ZFPM2: variants seen among roughly 807,000 people sequenced by gnomAD.
The protein encoded by ZFPM2 is zinc finger protein ZFPM2.
A neutral mutation model predicts 98.6 loss-of-function variants in ZFPM2; 20 were observed. That is an observed-to-expected ratio of 0.20 (90% CI 0.14 to 0.29). The LOEUF is 0.29. Ranked by LOEUF, ZFPM2 falls within the 10% of genes least tolerant of loss-of-function variation. ZFPM2 has a pLI of 1.00. For missense variants in ZFPM2, 1,310 were observed against 1,388.6 expected, an observed-to-expected ratio of 0.94 and a Z score of 0.90; for synonymous variants, 518 against 502.7, an observed-to-expected ratio of 1.03 and a Z score of -0.41.
chr8:105,319,779 A>AG (rs757917664), intron 1 of ZFPM2: 9 of 152,092 alleles, frequency 5.9e-5, no homozygotes, highest in Admixed American at 1.3e-4. Flanking sequence ...GTGGGCGCGC[A>AG]GGGGAGTGCA....
At chr8:105,584,194 CA>C (rs530701124) in intron 4 of ZFPM2, among the ~76,000 whole-genome samples, 78 of 151,642 alleles carry the variant, frequency 5.1e-4, no homozygotes, top group African/African-American at 1.6e-3. Context: ...ATGTACTCTG[CA>C]AAAAAATAAC....
At position 105,497,837 on chromosome 8, in the gene ZFPM2, T is replaced by A. The variant is rs1203144775; in HGVS notation, c.301+53456T>A. On this transcript the variant is annotated intron_variant, in intron 3 of 7. Coordinates refer to ENST00000407775, the MANE Select transcript of ZFPM2 (RefSeq NM_012082.4). ...TGCATTTCACTATTCCATATTGGAA[T>A]ACTGCGAGAGTAACAATGGCACTTT... Among the ~76,000 whole-genome samples the A allele has an allele frequency of 1.4e-4, 22 of 152,220 alleles. No individual in the cohort carries two copies. In the East Asian group the frequency reaches 4.3e-3, roughly 29 times the overall value.
intron 2 of ZFPM2, among the ~76,000 whole-genome samples, chr8:105,424,874 A>G (rs565022198): frequency 1.3e-5 from 2 of 152,338 alleles, no homozygotes; most frequent in East Asian, 3.9e-4. Context: ...AAACAATTGA[A>G]TCACATTTTA....
intron 1 of ZFPM2, among the ~76,000 whole-genome samples, chr8:105,360,414 C>A (rs2129756956): frequency 6.6e-6 from 1 of 152,222 alleles, no homozygotes; most frequent in South Asian, 2.1e-4. Context: ...ATACTTATCA[C>A]ATTTTTTGGC....
At chr8:105,337,436 A>C (rs938129500) in intron 1 of ZFPM2, among the ~76,000 whole-genome samples, 3 of 151,860 alleles carry the variant, frequency 2.0e-5, no homozygotes, top group African/African-American at 7.2e-5. Flanking sequence ...CCTAGTTCAC[A>C]CTTTCATATA....
At chr8:105,595,323 T>A (rs1815945545) in intron 4 of ZFPM2, among the ~76,000 whole-genome samples, 1 of 152,054 alleles carries the variant, frequency 6.6e-6, no homozygotes, top group Non-Finnish European at 1.5e-5. Context: ...AATAAGCCAG[T>A]GTGTGTGTTC....
At chr8:105,795,366 C>G (rs1224207357) in intron 6 of ZFPM2, among the ~76,000 whole-genome samples, 1 of 151,516 alleles carries the variant, frequency 6.6e-6, no homozygotes, top group Non-Finnish European at 1.5e-5. Context: ...CACACACACA[C>G]ACACACAAAG....
chr8:105,465,531 ATT>A (rs1036700733), intron 3 of ZFPM2, among the ~76,000 whole-genome samples: 1 of 151,974 alleles, frequency 6.6e-6, no homozygotes, highest in Non-Finnish European at 1.5e-5. Context: ...CTAAGATTAG[ATT>A]TATAGAAATT....
At chr8:105,525,369 G>A (rs1158696182) in intron 3 of ZFPM2, among the ~76,000 whole-genome samples, 1 of 152,172 alleles carries the variant, frequency 6.6e-6, no homozygotes, top group East Asian at 1.9e-4. Context: ...AATGTATTTT[G>A]AAAGATATTT....
intron 4 of ZFPM2, among the ~76,000 whole-genome samples, chr8:105,582,404 G>A (rs1815620703): frequency 1.3e-5 from 2 of 152,146 alleles, no homozygotes; most frequent in South Asian, 4.1e-4. Flanking sequence ...GTGAGGGAAG[G>A]GGACTTAGCA....
chr8:105,558,636 A>G (rs1282749015), intron 3 of ZFPM2, among the ~76,000 whole-genome samples: 1 of 152,184 alleles, frequency 6.6e-6, no homozygotes. Context: ...ATAGATAAGG[A>G]GTCACTGTTT....
intron 3 of ZFPM2, among the ~76,000 whole-genome samples, chr8:105,549,599 ATCTCTC>A (rs368339123): frequency 1.2e-4 from 9 of 77,790 alleles, no homozygotes; most frequent in South Asian, 4.4e-4. Context: ...TCCTTCCTCT[ATCTCTC>A]TCTCTCTCTC....
At chr8:105,441,482 G>GAAAGAAAGAAAGAGAA in intron 2 of ZFPM2, among the ~76,000 whole-genome samples, 1 of 85,410 alleles carries the variant, frequency 1.2e-5, no homozygotes, top group South Asian at 3.8e-4. Flanking sequence ...AAGAAAGAAA[G>GAAAGAAAGAAAGAGAA]AAAGAAAGAA....
chr8:105,725,598 C>T (rs1811792164), intron 5 of ZFPM2, among the ~76,000 whole-genome samples: 1 of 151,722 alleles, frequency 6.6e-6, no homozygotes, highest in South Asian at 2.1e-4. Context: ...ATGGTAACCT[C>T]ACCCCAAATT....
At chr8:105,505,152 CTG>C (rs1813673966) in intron 3 of ZFPM2, among the ~76,000 whole-genome samples, 1 of 152,060 alleles carries the variant, frequency 6.6e-6, no homozygotes, top group Non-Finnish European at 1.5e-5. Flanking sequence ...CGATTTTCAG[CTG>C]TAAAATGAAA....
intron 4 of ZFPM2, among the ~76,000 whole-genome samples, chr8:105,605,542 G>A (rs557865522): frequency 6.6e-6 from 1 of 152,188 alleles, no homozygotes; most frequent in South Asian, 2.1e-4. Context: ...TATTGAGGTT[G>A]TGCCATGAAC....
chr8:105,623,487 C>A (rs907821905), intron 4 of ZFPM2, among the ~76,000 whole-genome samples: 2 of 152,088 alleles, frequency 1.3e-5, no homozygotes, highest in African/African-American at 4.8e-5. Context: ...TGTATATTTG[C>A]TTTTAAAATT....
At chr8:105,627,034 C>A (rs1346877738) in intron 4 of ZFPM2, among the ~76,000 whole-genome samples, 1 of 152,004 alleles carries the variant, frequency 6.6e-6, no homozygotes, top group African/African-American at 2.4e-5. Flanking sequence ...TCCTCAATAT[C>A]TTTTTTTTCC....
chr8:105,755,600 C>T (rs1812579745), intron 5 of ZFPM2, among the ~76,000 whole-genome samples: 1 of 152,078 alleles, frequency 6.6e-6, no homozygotes, highest in Non-Finnish European at 1.5e-5. Context: ...AGAACAATTT[C>T]AATTAGCTCT....
Sources: gnomAD v4.1 joint callset for allele counts (sites outside exome capture counted in the v4.1 genomes callset) on GRCh38, gnomAD v4.1.1 for gene constraint, MANE v1.5 for transcripts, NCBI Gene and HGNC (gene_info 2026-07-23, HGNC 2026-07-21) for gene names.